STXBP5L: variants seen among roughly 807,000 people sequenced by gnomAD.
STXBP5L encodes the protein syntaxin binding protein 5L.
STXBP5L carries 65 observed loss-of-function variants against 144.5 expected under a neutral mutation model. That is an observed-to-expected ratio of 0.45 (90% confidence interval 0.37 to 0.55). The LOEUF is 0.55. STXBP5L is among the 20% of genes least tolerant of loss of function. STXBP5L has a pLI of 0.00. For synonymous variants in STXBP5L, 505 were observed against 469.6 expected, an observed-to-expected ratio of 1.08 and a Z score of -0.97; for missense variants, 1,298 against 1,405.5, an observed-to-expected ratio of 0.92 and a Z score of 1.22.
At position 121,310,328 on chromosome 3, in the gene STXBP5L, G is replaced by A. The variant is rs142551345; in HGVS notation, c.2111-8147G>A. Among the ~76,000 whole-genome samples the A allele has an allele frequency of 8.5e-5, 13 of 152,342 alleles. No homozygotes were observed. In the South Asian group the frequency reaches 1.5e-3, roughly 17 times the overall value. On this transcript the variant is annotated intron_variant, in intron 19 of 26. Coordinates refer to ENST00000471454, the MANE Select transcript of STXBP5L (RefSeq NM_001308330.2). ...AAGGCACTATTAAGAGGCCAGGCAT[G>A]GGCTGGGCACAGTGGCTCACGCCTG...
chr3:121,064,566 ACTCT>A (rs1560080996), intron 5 of STXBP5L, among the ~76,000 whole-genome samples: 1 of 152,150 alleles, frequency 6.6e-6, no homozygotes, highest in African/African-American at 2.4e-5. Flanking sequence ...GGCAATATTG[ACTCT>A]CTGTCATTGA....
rs533129008 is a variant in STXBP5L, at chr3:121,423,280, T to G, written c.*4183T>G. ...GTACTATTTCACATGCACACTGTCC[T>G]GGGTGCCAGAAATACTTGTGGTGTA... On this transcript the variant is annotated 3_prime_UTR_variant, in exon 27 of 27. Transcript: ENST00000471454. 6.6e-6 allele frequency: 1 copy of G among 152,420 alleles called. No homozygotes were observed. The highest frequency in any genetic ancestry group is 1.5e-5 in the Non-Finnish European group (1 of 68,078). 9.4% of individuals were successfully genotyped at this position (152,420 alleles called of 1,614,324 possible). A position where few individuals can be genotyped will look rare whatever the true frequency, so the allele number is the denominator to read the frequency against.
intron 7 of STXBP5L, among the ~76,000 whole-genome samples, chr3:121,146,582 T>C (rs2045718082): frequency 6.6e-6 from 1 of 151,914 alleles, no homozygotes; most frequent in Non-Finnish European, 1.5e-5. Flanking sequence ...AAAACAACAA[T>C]ATGCTGTTAC....
intron 22 of STXBP5L, among the ~76,000 whole-genome samples, chr3:121,385,216 A>G (rs939210718): frequency 5.3e-5 from 8 of 152,150 alleles, no homozygotes; most frequent in Admixed American, 3.3e-4. Flanking sequence ...ATAGCTCTTC[A>G]GGCTGTACAG....
chr3:121,194,506 T>C (rs974454775), intron 9 of STXBP5L, among the ~76,000 whole-genome samples: 14 of 151,360 alleles, frequency 9.2e-5, no homozygotes, highest in African/African-American at 3.4e-4. Context: ...CTGCACTCCC[T>C]GCCTTGAAAA....
chr3:120,995,277 A>C (rs1943249154), intron 3 of STXBP5L, among the ~76,000 whole-genome samples: 1 of 152,058 alleles, frequency 6.6e-6, no homozygotes, highest in African/African-American at 2.4e-5. Flanking sequence ...CCTCCCCAGT[A>C]GCTGGGATCG....
At chr3:121,048,608 G>A (rs750174775) in intron 5 of STXBP5L, among the ~76,000 whole-genome samples, 11 of 151,624 alleles carry the variant, frequency 7.3e-5, no homozygotes, top group East Asian at 1.9e-4. Flanking sequence ...CCTGAACTTG[G>A]TCTATTCTTC....
At chr3:121,398,384 G>A (rs905105997) in intron 22 of STXBP5L, among the ~76,000 whole-genome samples, 1 of 152,204 alleles carries the variant, frequency 6.6e-6, no homozygotes, top group African/African-American at 2.4e-5. Flanking sequence ...CTGTGGTGGG[G>A]GACAGATATT....
chr3:121,056,042 C>G (rs1039757570), intron 5 of STXBP5L, among the ~76,000 whole-genome samples: 5 of 152,038 alleles, frequency 3.3e-5, no homozygotes, highest in African/African-American at 1.2e-4. Flanking sequence ...TGGGCTCAAG[C>G]TATCCTCCTG....
intron 8 of STXBP5L, among the ~76,000 whole-genome samples, chr3:121,156,416 G>C (rs554606410): frequency 9.2e-5 from 14 of 151,946 alleles, no homozygotes; most frequent in Non-Finnish European, 8.8e-5. Flanking sequence ...TTAAGGAAAA[G>C]ATGTTGTATG....
chr3:121,004,436 T>G (rs1233183628), intron 3 of STXBP5L, among the ~76,000 whole-genome samples: 1 of 151,918 alleles, frequency 6.6e-6, no homozygotes, highest in Non-Finnish European at 1.5e-5. Flanking sequence ...CCTATCAGCT[T>G]AAGGAGATTT....
intron 7 of STXBP5L, among the ~76,000 whole-genome samples, chr3:121,125,377 A>G (rs2044659063): frequency 6.6e-6 from 1 of 152,078 alleles, no homozygotes; most frequent in Non-Finnish European, 1.5e-5. Context: ...AAGCTGAAGC[A>G]AGAGAATTGC....
intron 5 of STXBP5L, among the ~76,000 whole-genome samples, chr3:121,110,025 T>C (rs1264820803): frequency 6.6e-6 from 1 of 152,218 alleles, no homozygotes; most frequent in African/African-American, 2.4e-5. Context: ...AAACTAGGAT[T>C]GCAACCCCTG....
At chr3:121,178,197 ATGG>A (rs2047010204) in intron 9 of STXBP5L, among the ~76,000 whole-genome samples, 3 of 152,180 alleles carry the variant, frequency 2.0e-5, no homozygotes, top group Admixed American at 6.6e-5. Flanking sequence ...CTGGAGATTA[ATGG>A]TGGTGATTCT....
At position 121,228,340 on chromosome 3, in the gene STXBP5L, T is replaced by A. The variant is rs560399288; in HGVS notation, c.1111+5183T>A. On this transcript the variant is annotated intron_variant, in intron 11 of 26. Coordinates refer to ENST00000471454, the MANE Select transcript of STXBP5L (RefSeq NM_001308330.2). ...ATATGTGGTTCTTAGCAAGAGCATA[T>A]GAAGTTCTGGTTACATAAAATAATT... 5.3e-5 allele frequency among the ~76,000 whole-genome samples: 8 copies of A among 152,258 alleles called. No individual in the cohort carries two copies. In the South Asian group the frequency reaches 1.5e-3, roughly 28 times the overall value.
chr3:121,336,363 G>T (rs1343260726), intron 20 of STXBP5L, among the ~76,000 whole-genome samples: 2 of 152,006 alleles, frequency 1.3e-5, no homozygotes, highest in African/African-American at 4.8e-5. Flanking sequence ...TGGGAGCAGT[G>T]GTGCATGCCT....
chr3:121,201,516 A>T (rs1422367947), intron 9 of STXBP5L, among the ~76,000 whole-genome samples: 5 of 152,194 alleles, frequency 3.3e-5, no homozygotes, highest in Admixed American at 3.3e-4. Flanking sequence ...TTTACATTAA[A>T]TGTTAATATT....
At chr3:121,167,718 G>A (rs998714207) in intron 9 of STXBP5L, among the ~76,000 whole-genome samples, 4 of 152,234 alleles carry the variant, frequency 2.6e-5, no homozygotes, top group African/African-American at 4.8e-5. Flanking sequence ...CTCCCTGGGA[G>A]AGAGCACCTG....
intron 3 of STXBP5L, among the ~76,000 whole-genome samples, chr3:120,988,405 A>AT (rs1942509671): frequency 6.6e-6 from 1 of 151,270 alleles, no homozygotes; most frequent in East Asian, 1.9e-4. Context: ...GTGTTTGGAA[A>AT]CCTTCTTCTT....
Sources: gnomAD v4.1 joint callset for allele counts (sites outside exome capture counted in the v4.1 genomes callset) on GRCh38, gnomAD v4.1.1 for gene constraint, MANE v1.5 for transcripts, NCBI Gene and HGNC (gene_info 2026-07-23, HGNC 2026-07-21) for gene names.